The following HPSE2 variants were observed in gnomAD, a reference collection of about 807,000 sequenced individuals.
HPSE2 encodes heparanase 2 (inactive), also known as inactive heparanase-2.
In HPSE2, 38 loss-of-function variants were observed where a neutral mutation model predicts 60.5. The observed-to-expected ratio is 0.63, with a 90% CI of 0.48 to 0.82. HPSE2 has a LOEUF of 0.82. Among genes scored for constraint, HPSE2 ranks in the 40% least tolerant of loss-of-function variants. HPSE2 has a pLI of 0.00. For missense variants in HPSE2, 713 were observed against 740.4 expected (o/e 0.96, Z 0.43); for synonymous variants, 295 against 293.2 (o/e 1.01, Z -0.06).
intron 3 of HPSE2, among the ~76,000 whole-genome samples, chr10:98,863,392 A>T (rs919998430): frequency 8.5e-5 from 13 of 152,058 alleles, no homozygotes; most frequent in African/African-American, 2.4e-4. Context: ...TCTGTGTGTG[A>T]GAGAGAGAGT....
At chr10:98,485,281 A>G (rs1382372326) in intron 10 of HPSE2, among the ~76,000 whole-genome samples, 2 of 152,200 alleles carry the variant, frequency 1.3e-5, no homozygotes, top group African/African-American at 4.8e-5. Context: ...CTTGCTTAGA[A>G]CAATCCATTA....
intron 3 of HPSE2, among the ~76,000 whole-genome samples, chr10:98,780,498 A>G (rs1950440873): frequency 6.6e-6 from 1 of 152,202 alleles, no homozygotes; most frequent in Non-Finnish European, 1.5e-5. Context: ...TCAATAAAAC[A>G]TCTTTTAAGG....
chr10:98,985,009 A>G (rs1369999805), intron 3 of HPSE2, among the ~76,000 whole-genome samples: 1 of 152,214 alleles, frequency 6.6e-6, no homozygotes, highest in African/African-American at 2.4e-5. Context: ...CCAAATCTAC[A>G]TATGATTGGT....
intron 3 of HPSE2, among the ~76,000 whole-genome samples, chr10:98,873,335 C>T (rs979527233): frequency 2.0e-5 from 3 of 151,842 alleles, no homozygotes; most frequent in African/African-American, 7.3e-5. Flanking sequence ...CCTATTGACC[C>T]ATCCTCTAAG....
At chr10:98,925,787 T>C (rs575374013) in intron 3 of HPSE2, among the ~76,000 whole-genome samples, 3 of 152,296 alleles carry the variant, frequency 2.0e-5, no homozygotes, top group Admixed American at 2.0e-4. Context: ...CCTTTATTGT[T>C]CTCCTTGGCT....
chr10:98,986,046 G>A lies in HPSE2; in HGVS notation c.610+158192C>T, dbSNP rs61883741. Among the ~76,000 whole-genome samples the A allele has an allele frequency of 9.6e-3, 1,463 of 152,204 alleles. 8 individuals carry two copies. Among genetic ancestry groups the A allele is most frequent in the Non-Finnish European group, 0.015 (994 of 68,010 alleles). Reference sequence around the variant, plus strand: ...AGACTCCCACACAATAATAATGGGAGACTTTAACACCCCACTGTCGACACT... The same window carrying A: ...AGACTCCCACACAATAATAATGGGAAACTTTAACACCCCACTGTCGACACT... On this transcript the variant is annotated intron_variant, in intron 3 of 11. Transcript: ENST00000370552.
At chr10:99,147,925 C>T (rs1482597923) in intron 2 of HPSE2, among the ~76,000 whole-genome samples, 2 of 152,128 alleles carry the variant, frequency 1.3e-5, no homozygotes, top group Admixed American at 1.3e-4. Context: ...GACATGAACA[C>T]AAATCCTACA....
intron 9 of HPSE2, among the ~76,000 whole-genome samples, chr10:98,559,273 C>G (rs1227659149): frequency 6.6e-6 from 1 of 152,180 alleles, no homozygotes; most frequent in Non-Finnish European, 1.5e-5. Flanking sequence ...AGTGATCCAC[C>G]TATCTTGGCC....
intron 3 of HPSE2, among the ~76,000 whole-genome samples, chr10:98,797,614 C>T (rs868244726): frequency 1.3e-5 from 2 of 152,010 alleles, no homozygotes; most frequent in African/African-American, 2.4e-5. Flanking sequence ...GAGGCCGAGG[C>T]GGGCAGATCA....
chr10:99,245,163 C>G, the HPSE2 span, among the ~76,000 whole-genome samples: 1 of 152,106 alleles, frequency 6.6e-6, no homozygotes, highest in African/African-American at 2.4e-5. Context: ...GTCTTTTCCC[C>G]TTTCAAGTAG....
At chr10:99,240,933 T>C in the HPSE2 span, among the ~76,000 whole-genome samples, 2 of 152,158 alleles carry the variant, frequency 1.3e-5, no homozygotes, top group African/African-American at 4.8e-5. Context: ...CATGAAGATA[T>C]AACAGCCAGT....
At chr10:99,006,651 T>C (rs1956900579) in intron 3 of HPSE2, among the ~76,000 whole-genome samples, 1 of 151,936 alleles carries the variant, frequency 6.6e-6, no homozygotes. Flanking sequence ...AGGTACCAGC[T>C]TGATGACTAG....
At chr10:98,569,198 G>A (rs1329837323) in intron 9 of HPSE2, among the ~76,000 whole-genome samples, 1 of 151,716 alleles carries the variant, frequency 6.6e-6, no homozygotes, top group Admixed American at 6.6e-5. Flanking sequence ...TGAGTAGCTG[G>A]GATTACAGGC....
chr10:98,983,280 C>G (rs565471771), intron 3 of HPSE2, among the ~76,000 whole-genome samples: 1 of 152,324 alleles, frequency 6.6e-6, no homozygotes, highest in East Asian at 1.9e-4. Flanking sequence ...TTGTTTTCCT[C>G]TAACTAGATG....
rs1328684396 is a variant in HPSE2 at position 98,941,773 on chromosome 10, T to G, written c.611-197717A>C. 8.8e-5 allele frequency among the ~76,000 whole-genome samples: 12 copies of G among 136,308 alleles called. 2 individuals are homozygous for G. The highest frequency in any genetic ancestry group is 3.1e-4 in the African/African-American group (10 of 31,764). 89.4% of individuals were successfully genotyped at this position (136,308 alleles called of 152,430 possible). The stretch of plus-strand genomic sequence containing the variant: ...CCAAAAAAGAGCCCGCATCGCCAAG[T>G]CAATCCTAAGCCAAAAGAACAAAGC... On this transcript the variant is annotated intron_variant, in intron 3 of 11. Coordinates refer to ENST00000370552, the MANE Select transcript of HPSE2 (RefSeq NM_021828.5).
intron 4 of HPSE2, among the ~76,000 whole-genome samples, chr10:98,730,393 A>G (rs573500622): frequency 1.9e-4 from 29 of 152,298 alleles, no homozygotes; most frequent in African/African-American, 6.5e-4. Context: ...TCTCAAATCA[A>G]TAACCTAAGT....
At chr10:99,241,425 T>G in the HPSE2 span, among the ~76,000 whole-genome samples, 3 of 152,304 alleles carry the variant, frequency 2.0e-5, no homozygotes, top group East Asian at 1.9e-4. Flanking sequence ...AAAGCAATAA[T>G]TAGTAAGTTT....
intron 3 of HPSE2, among the ~76,000 whole-genome samples, chr10:98,895,113 T>G (rs1363878647): frequency 6.6e-6 from 1 of 151,970 alleles, no homozygotes; most frequent in Non-Finnish European, 1.5e-5. Flanking sequence ...TACCATACTC[T>G]CAGACCATCA....
At chr10:99,312,475 C>A in the HPSE2 span, among the ~76,000 whole-genome samples, 1 of 152,166 alleles carries the variant, frequency 6.6e-6, no homozygotes, top group South Asian at 2.1e-4. Flanking sequence ...AATAATATTC[C>A]ATTTTGTTGT....
Sources: allele counts gnomAD v4.1 joint callset (sites outside exome capture counted in the v4.1 genomes callset), GRCh38; gene constraint gnomAD v4.1.1; transcripts MANE v1.5; gene names NCBI Gene and HGNC (gene_info 2026-07-23, HGNC 2026-07-21).